DNAH10: variants seen among roughly 807,000 people sequenced by gnomAD.
DNAH10 encodes the protein dynein axonemal heavy chain 10, also known as axonemal beta dynein heavy chain 10.
In DNAH10, 348 loss-of-function variants were observed where a neutral mutation model predicts 506.6. The observed-to-expected ratio is 0.69, with a 90% CI of 0.63 to 0.75. The LOEUF is 0.75. DNAH10 is among the 30% of genes least tolerant of loss of function. DNAH10 has a pLI of 0.00. For synonymous variants in DNAH10, 2,059 were observed against 2,198.6 expected (o/e 0.94, Z 1.78); for missense variants, 5,179 against 5,787.1 (o/e 0.89, Z 3.41).
chr12:123,929,879 G>A, intron 72 of DNAH10, 120 bp downstream of exon 72: 1 of 862,656 alleles, frequency 1.2e-6, no homozygotes, highest in Admixed American at 2.5e-5. Flanking sequence ...TTCCCCTTGG[G>A]TTTCTGTGAC....
In DNAH10 at chr12:123,881,732, C is replaced by T. The variant is rs984555280; in HGVS notation, c.8742C>T (p.Arg2914=). ...TRVHRIIRMD[R]GHALLVGVGG... is the part of the protein sequence containing the mutation. ...TGCACCGTATCATCCGCATGGACCG[C>T]GGCCACGCCCTGCTGGTCGGGGTAG... The change falls in exon 51 of 79, where the codon CGC becomes CGT. Residue 2914 remains arginine, a synonymous_variant. Coordinates refer to ENST00000673944, the MANE Select transcript of DNAH10 (RefSeq NM_001372106.1). 74 of 1,547,728 alleles carry T rather than the reference C, an allele frequency of 4.8e-5. No individual in the cohort carries two copies. The highest frequency in any genetic ancestry group is 1.1e-4 in the African/African-American group (8 of 72,782).
intron 8 of DNAH10, among the ~76,000 whole-genome samples, chr12:123,784,616 AT>A (rs1264330561): frequency 1.3e-5 from 2 of 152,230 alleles, no homozygotes; most frequent in Non-Finnish European, 2.9e-5. Flanking sequence ...TTTAACCACT[AT>A]TAAGCATACA....
intron 11 of DNAH10, 90 bp downstream of exon 11, chr12:123,790,211 CT>C (rs35056478): frequency 3.2e-4 from 334 of 1,051,126 alleles, no homozygotes; most frequent in Non-Finnish European, 3.7e-4. Context: ...GATGCTTAGT[CT>C]TTTTTTTTAA....
intron 21 of DNAH10, among the ~76,000 whole-genome samples, chr12:123,816,344 G>A (rs191636179): frequency 6.6e-6 from 1 of 152,292 alleles, no homozygotes; most frequent in Non-Finnish European, 1.5e-5. Context: ...CCTTGGGGAG[G>A]GAAGAGGGGC....
chr12:123,889,980 C>T (rs1952905417), intron 52 of DNAH10, among the ~76,000 whole-genome samples: 1 of 152,178 alleles, frequency 6.6e-6, no homozygotes, highest in Non-Finnish European at 1.5e-5. Flanking sequence ...GTGGGGACCC[C>T]TGTGATCGTC....
intron 24 of DNAH10, 84 bp from the exon 25 acceptor site, chr12:123,826,603 G>A (rs1960017044): frequency 9.0e-6 from 11 of 1,229,016 alleles, no homozygotes; most frequent in South Asian, 7.3e-5. Context: ...ATATCTGAAC[G>A]TGACTAAGAG....
chr12:123,910,431 A>G, intron 58 of DNAH10, 105 bp from the exon 59 acceptor site: 1 of 1,422,434 alleles, frequency 7.0e-7, no homozygotes, highest in Non-Finnish European at 9.6e-7. Flanking sequence ...CATTCTGCTC[A>G]CAGGGCCACT....
Position 123,832,909 on chromosome 12 carries a change from G to A in DNAH10, c.4546-205G>A, listed in dbSNP as rs566346315. 3.3e-5 allele frequency among the ~76,000 whole-genome samples: 5 copies of A among 152,270 alleles called. No homozygotes were observed. In the East Asian group the frequency reaches 5.8e-4, roughly 18 times the overall value. On this transcript the variant is annotated intron_variant, in intron 26 of 78. Transcript: ENST00000673944. ...TTTGCTTTGAGGACTGAATGAGATC[G>A]TGTATGTGACATGCTTACCTGCCAC...
chr12:123,826,280 G>A (rs1467655325), intron 24 of DNAH10, among the ~76,000 whole-genome samples: 2 of 152,168 alleles, frequency 1.3e-5, no homozygotes, highest in Non-Finnish European at 2.9e-5. Context: ...GATCTAGAGT[G>A]TAAATATTTT....
At chr12:123,842,919 GATT>G (rs1340338008) in intron 30 of DNAH10, among the ~76,000 whole-genome samples, 4 of 152,226 alleles carry the variant, frequency 2.6e-5, no homozygotes, top group African/African-American at 9.7e-5. Flanking sequence ...TGCTCTGGGC[GATT>G]TATTATGCTA....
intron 33 of DNAH10, 60 bp downstream of exon 33, chr12:123,848,155 A>T: frequency 6.4e-7 from 1 of 1,558,312 alleles, no homozygotes; most frequent in Non-Finnish European, 8.7e-7. Context: ...AAAGCAGGAC[A>T]TGGCATTTCA....
chr12:123,840,374 T>A lies in DNAH10; in HGVS notation c.5137-948T>A, dbSNP rs11057372. Among the ~76,000 whole-genome samples, 662 of 151,454 alleles carry A rather than the reference T, an allele frequency of 4.4e-3. 14 individuals carry two copies. Among genetic ancestry groups the A allele is most frequent in the East Asian group, 0.036 (187 of 5,176 alleles). ...TTTTTCCTTTCTCAAAGGGGAGGCT[T>A]CTTCAGTATTCTGTTTCCAGTTTTT... On this transcript the variant is annotated intron_variant, in intron 29 of 78. Transcript: ENST00000673944.
intron 54 of DNAH10, among the ~76,000 whole-genome samples, chr12:123,896,666 G>A (rs1953260383): frequency 6.6e-6 from 1 of 151,064 alleles, no homozygotes; most frequent in Admixed American, 6.6e-5. Context: ...GGGAAGACAG[G>A]GCTTCCTAAC....
intron 29 of DNAH10, among the ~76,000 whole-genome samples, chr12:123,840,133 G>T (rs1311461009): frequency 2.0e-5 from 3 of 151,838 alleles, no homozygotes; most frequent in African/African-American, 7.3e-5. Context: ...GATGCCAGTA[G>T]CACCCCCTCC....
intron 1 of DNAH10, among the ~76,000 whole-genome samples, chr12:123,764,856 C>T (rs1956958864): frequency 6.6e-6 from 1 of 152,144 alleles, no homozygotes; most frequent in Non-Finnish European, 1.5e-5. Flanking sequence ...TCAAAGCTGC[C>T]GATTCTGGAG....
intron 1 of DNAH10, among the ~76,000 whole-genome samples, chr12:123,763,156 G>A (rs1956892365): frequency 6.6e-6 from 1 of 152,224 alleles, no homozygotes; most frequent in Non-Finnish European, 1.5e-5. Flanking sequence ...AAATGTTTAT[G>A]TTGAACAAAT....
intron 41 of DNAH10, among the ~76,000 whole-genome samples, chr12:123,866,665 T>A (rs1951824870): frequency 6.6e-6 from 1 of 152,180 alleles, no homozygotes; most frequent in South Asian, 2.1e-4. Flanking sequence ...GTCTGAGGCT[T>A]TGTGTGGGCA....
At chr12:123,826,514 C>T (rs1268339685) in intron 24 of DNAH10, among the ~76,000 whole-genome samples, 173 bp from the exon 25 acceptor site, 6 of 152,164 alleles carry the variant, frequency 3.9e-5, no homozygotes, top group Non-Finnish European at 8.8e-5. Flanking sequence ...GAATTCTTTT[C>T]TTGTTGTTTT....
chr12:123,775,285 T>G (rs1374788714), intron 5 of DNAH10, among the ~76,000 whole-genome samples: 1 of 152,088 alleles, frequency 6.6e-6, no homozygotes, highest in Non-Finnish European at 1.5e-5. Flanking sequence ...ATTTTTGTAC[T>G]TATTGTAGAG....
Sources: allele counts gnomAD v4.1 joint callset (sites outside exome capture counted in the v4.1 genomes callset), GRCh38; gene constraint gnomAD v4.1.1; transcripts MANE v1.5; gene names NCBI Gene and HGNC (gene_info 2026-07-23, HGNC 2026-07-21).